Variants in SHISA9 observed in about 807,000 individuals in gnomAD.
SHISA9 encodes shisa family member 9.
In SHISA9, 13 loss-of-function variants were observed where a neutral mutation model predicts 38.0. The observed-to-expected ratio is 0.34, with a 90% CI of 0.22 to 0.54. The LOEUF is 0.54. SHISA9 is among the 20% of genes least tolerant of loss of function. The pLI is 0.91. For synonymous variants in SHISA9, 275 were observed against 242.0 expected (o/e 1.14, Z -1.27); for missense variants, 538 against 575.8 (o/e 0.93, Z 0.67).
the SHISA9 span, among the ~76,000 whole-genome samples, chr16:13,451,731 G>A: frequency 6.6e-6 from 1 of 152,332 alleles, no homozygotes; most frequent in African/African-American, 2.4e-5. Flanking sequence ...TGATAACAGA[G>A]TAACTGAGGA....
At chr16:13,457,077 C>T in the SHISA9 span, among the ~76,000 whole-genome samples, 4 of 152,226 alleles carry the variant, frequency 2.6e-5, no homozygotes, top group South Asian at 2.1e-4. Flanking sequence ...GAGGCCAAGG[C>T]GGGCGGATCA....
At chr16:13,402,904 G>A in the SHISA9 span, among the ~76,000 whole-genome samples, 1 of 152,190 alleles carries the variant, frequency 6.6e-6, no homozygotes, top group Admixed American at 6.5e-5. Context: ...AGGTCACAAT[G>A]TCAGGAGATT....
chr16:13,443,407 T>C, the SHISA9 span, among the ~76,000 whole-genome samples: 4 of 152,228 alleles, frequency 2.6e-5, no homozygotes, highest in Non-Finnish European at 5.9e-5. Flanking sequence ...CTTTGGGAAA[T>C]ACTTGTCCAT....
At chr16:13,484,879 A>G in the SHISA9 span, among the ~76,000 whole-genome samples, 1 of 151,846 alleles carries the variant, frequency 6.6e-6, no homozygotes, top group Non-Finnish European at 1.5e-5. Context: ...TGATCCAATC[A>G]CCTCCCACCA....
chr16:13,486,934 C>G, the SHISA9 span, among the ~76,000 whole-genome samples: 17 of 152,308 alleles, frequency 1.1e-4, no homozygotes, highest in African/African-American at 3.9e-4. Flanking sequence ...GAACTCCCGA[C>G]CTCAGGTGAT....
At position 13,040,154 on chromosome 16, in the gene SHISA9, C is replaced by G. The variant is rs1388583210; in HGVS notation, c.691+123339C>G. Among the ~76,000 whole-genome samples, 6 of 152,286 alleles carry G rather than the reference C, an allele frequency of 3.9e-5. No homozygotes were observed. The South Asian group carries it at 1.2e-3, about 32-fold the overall frequency. On this transcript the variant is annotated intron_variant, in intron 2 of 4. Coordinates refer to ENST00000558583, the MANE Select transcript of SHISA9 (RefSeq NM_001145204.3). ...ATTGTCATTTAAAACCAAATCACAT[C>G]ATGTTACCACTCCACTCAAACCATC...
chr16:13,238,916 T>C lies in SHISA9; in HGVS notation c.*3507T>C, dbSNP rs1331288237. 1.3e-5 allele frequency: 2 copies of C among 150,646 alleles called. No homozygotes were observed. Among genetic ancestry groups the C allele is most frequent in the Non-Finnish European group, 3.0e-5 (2 of 67,728 alleles). The allele number at this position is 150,646 out of a possible 1,614,324, so 9.3% of individuals were successfully genotyped here. A position where few individuals can be genotyped will look rare whatever the true frequency, so the allele number is the denominator to read the frequency against. On this transcript the variant is annotated 3_prime_UTR_variant, in exon 5 of 5. Coordinates refer to ENST00000558583, the MANE Select transcript of SHISA9 (RefSeq NM_001145204.3). The stretch of plus-strand genomic sequence containing the variant: ...TAGTTACATATGTATACACGTGTCA[T>C]GCTGGTGTGCTGCACCCATTAACTC...
chr16:12,942,852 G>A (rs1391491250), intron 2 of SHISA9, among the ~76,000 whole-genome samples: 2 of 152,144 alleles, frequency 1.3e-5, no homozygotes, highest in Non-Finnish European at 2.9e-5. Flanking sequence ...CAAAGAAAAA[G>A]AGGAGTTTAT....
At chr16:13,381,059 C>A in the SHISA9 span, among the ~76,000 whole-genome samples, 1 of 152,042 alleles carries the variant, frequency 6.6e-6, no homozygotes. Flanking sequence ...TTTCTTAATG[C>A]AGTCTATCAT....
rs1324091860 is a variant in SHISA9 at position 13,236,464 on chromosome 16, G to C, written c.*1055G>C. 1 of 152,128 alleles carries C rather than the reference G, an allele frequency of 6.6e-6. No homozygotes were observed. The highest frequency in any genetic ancestry group is 2.4e-5 in the African/African-American group (1 of 41,404). The allele number at this position is 152,128 out of a possible 1,614,324, so 9.4% of individuals were successfully genotyped here. On this transcript the variant is annotated 3_prime_UTR_variant, in exon 5 of 5. Coordinates refer to ENST00000558583, the MANE Select transcript of SHISA9 (RefSeq NM_001145204.3). ...CACAGAAACAAGTCCTCTATAAACT[G>C]TATGTCCCTGACATCCCTTTCCCTT...
intron 1 of SHISA9, among the ~76,000 whole-genome samples, chr16:12,906,287 A>G (rs1017926297): frequency 1.3e-5 from 2 of 152,174 alleles, no homozygotes; most frequent in Non-Finnish European, 2.9e-5. Context: ...GACATAAAGT[A>G]TGTTGTCGCA....
At chr16:13,018,931 C>T (rs1035580645) in intron 2 of SHISA9, among the ~76,000 whole-genome samples, 4 of 152,226 alleles carry the variant, frequency 2.6e-5, no homozygotes, top group Admixed American at 6.5e-5. Flanking sequence ...TCAGCCCATG[C>T]ATTACTTTGC....
At chr16:13,486,802 T>C in the SHISA9 span, among the ~76,000 whole-genome samples, 1 of 152,226 alleles carries the variant, frequency 6.6e-6, no homozygotes, top group Non-Finnish European at 1.5e-5. Context: ...TCTCCCAGGT[T>C]CAAGTGATTC....
At chr16:13,174,343 C>A (rs1185559804) in intron 2 of SHISA9, among the ~76,000 whole-genome samples, 1 of 152,128 alleles carries the variant, frequency 6.6e-6, no homozygotes, top group Non-Finnish European at 1.5e-5. Context: ...TCCTCATGTA[C>A]CTTGCAGTCT....
intron 2 of SHISA9, among the ~76,000 whole-genome samples, chr16:13,050,858 C>A (rs935872181): frequency 1.3e-5 from 2 of 152,272 alleles, no homozygotes; most frequent in Admixed American, 6.5e-5. Context: ...GAAGGGTCCA[C>A]CAGGAAAATC....
the SHISA9 span, among the ~76,000 whole-genome samples, chr16:13,283,188 G>GC: frequency 6.6e-6 from 1 of 152,034 alleles, no homozygotes; most frequent in Admixed American, 6.6e-5. Flanking sequence ...GGAACTTTGT[G>GC]CAACTTTGGC....
chr16:13,173,507 C>T (rs1294522194), intron 2 of SHISA9, among the ~76,000 whole-genome samples: 1 of 152,052 alleles, frequency 6.6e-6, no homozygotes, highest in South Asian at 2.1e-4. Context: ...ACTGTTTCTG[C>T]CCGCGTGGAC....
At chr16:13,232,758 A>T (rs1454700679) in intron 4 of SHISA9, among the ~76,000 whole-genome samples, 7 of 152,336 alleles carry the variant, frequency 4.6e-5, no homozygotes, top group Admixed American at 2.0e-4. Flanking sequence ...CAATTGGTTG[A>T]GTCTAAAGAC....
the SHISA9 span, among the ~76,000 whole-genome samples, chr16:13,432,664 G>A: frequency 1.3e-5 from 2 of 152,200 alleles, no homozygotes; most frequent in East Asian, 3.9e-4. Context: ...TCAAAGCACA[G>A]GAGTGAAAGG....
Sources: allele counts gnomAD v4.1 joint callset (sites outside exome capture counted in the v4.1 genomes callset), GRCh38; gene constraint gnomAD v4.1.1; transcripts MANE v1.5; gene names NCBI Gene and HGNC (gene_info 2026-07-23, HGNC 2026-07-21).